The following ANGPT1 variants were observed in gnomAD, a reference collection of about 807,000 sequenced individuals.
The protein encoded by ANGPT1 is angiopoietin 1, also known as angiopoietin-1.
A neutral mutation model predicts 62.2 loss-of-function variants in ANGPT1; 17 were observed. That is an observed-to-expected ratio of 0.27 (90% CI 0.19 to 0.41). ANGPT1 has a LOEUF of 0.41. Among genes scored for constraint, ANGPT1 ranks in the 10% least tolerant of loss-of-function variants. The pLI, the probability that ANGPT1 is intolerant of heterozygous loss-of-function variation, is 1.00. For synonymous variants in ANGPT1, 199 were observed against 198.9 expected, an observed-to-expected ratio of 1.00 and a Z score of 0.00; for missense variants, 478 against 594.9, an observed-to-expected ratio of 0.80 and a Z score of 2.04.
chr8:107,315,570 C>CT (rs1047350808), intron 4 of ANGPT1, among the ~76,000 whole-genome samples: 2 of 151,238 alleles, frequency 1.3e-5, no homozygotes, highest in Non-Finnish European at 3.0e-5. Flanking sequence ...CATAACTGTC[C>CT]TTTTTTTTTA....
intron 1 of ANGPT1, among the ~76,000 whole-genome samples, chr8:107,452,901 T>C (rs1811816904): frequency 6.6e-6 from 1 of 152,110 alleles, no homozygotes; most frequent in South Asian, 2.1e-4. Flanking sequence ...AGATTTTCAC[T>C]AAACACACAC....
Position 107,249,623 on chromosome 8 carries a change from CAT to C in ANGPT1, c.*2230_*2231del, listed in dbSNP as rs1316874565. On this transcript the variant is annotated 3_prime_UTR_variant, in exon 9 of 9. Coordinates refer to ENST00000517746, the MANE Select transcript of ANGPT1 (RefSeq NM_001146.5). ...ATTCTGAAACAATTAAAAGAATACA[CAT>C]GTTAAATTGCCATAAACATGTACGT... is the stretch of plus-strand genomic sequence containing the variant. 3.4e-5 allele frequency: 5 copies of C among 148,696 alleles called. No homozygotes were observed. In the Admixed American group the frequency reaches 3.4e-4, roughly 10 times the overall value. The allele number at this position is 148,696 out of a possible 1,614,324, so 9.2% of individuals were successfully genotyped here.
chr8:107,258,881 T>C (rs2130011279), intron 8 of ANGPT1, among the ~76,000 whole-genome samples: 1 of 152,318 alleles, frequency 6.6e-6, no homozygotes, highest in South Asian at 2.1e-4. Context: ...CATTCATTTA[T>C]GTATTTTCAC....
chr8:107,434,530 T>C (rs1037795509), intron 1 of ANGPT1, among the ~76,000 whole-genome samples: 2 of 151,912 alleles, frequency 1.3e-5, no homozygotes, highest in African/African-American at 2.4e-5. Flanking sequence ...CTGAATTCAG[T>C]AGAGGAGATG....
At chr8:107,466,740 C>T (rs185405716) in intron 1 of ANGPT1, among the ~76,000 whole-genome samples, 6 of 151,948 alleles carry the variant, frequency 3.9e-5, no homozygotes, top group East Asian at 3.9e-4. Context: ...GGTGAAACCC[C>T]GTCTCTACTA....
At position 107,264,330 on chromosome 8, in the gene ANGPT1, A is replaced by C; in HGVS notation, c.1227T>G (p.Thr409=). 3 of 1,613,872 alleles carry C rather than the reference A, an allele frequency of 1.9e-6. No homozygotes were observed. Among genetic ancestry groups the C allele is most frequent in the East Asian group, 4.5e-5 (2 of 44,870 alleles). ...GGCTGCTCTGTTTTCCTGCTGTCCC[A>C]GTGTGACCTTTTAAATACAACCTGA... ...QNYRLYLKGH[T]GTAGKQSSLI... Residue 409 remains threonine (T), a synonymous_variant, in exon 8 of 9, where the codon ACT becomes ACG. Coordinates refer to ENST00000517746, the MANE Select transcript of ANGPT1 (RefSeq NM_001146.5).
intron 1 of ANGPT1, among the ~76,000 whole-genome samples, chr8:107,390,865 T>A (rs1219679979): frequency 6.6e-6 from 1 of 152,038 alleles, no homozygotes; most frequent in Non-Finnish European, 1.5e-5. Context: ...AGGTTCTGAA[T>A]CTAGGAAGTC....
At chr8:107,474,013 G>A (rs1812436068) in intron 1 of ANGPT1, among the ~76,000 whole-genome samples, 1 of 152,130 alleles carries the variant, frequency 6.6e-6, no homozygotes, top group South Asian at 2.1e-4. Context: ...GAGGTACAAG[G>A]AGGAGCTGGG....
At chr8:107,341,113 C>T (rs996788345) in intron 2 of ANGPT1, among the ~76,000 whole-genome samples, 1 of 152,076 alleles carries the variant, frequency 6.6e-6, no homozygotes, top group Non-Finnish European at 1.5e-5. Context: ...GGTTATAACC[C>T]TAACCAAGTT....
intron 2 of ANGPT1, among the ~76,000 whole-genome samples, chr8:107,337,495 C>T (rs1044024505): frequency 1.3e-5 from 2 of 152,200 alleles, no homozygotes; most frequent in African/African-American, 4.8e-5. Context: ...TAGCAGATGC[C>T]TTCAAATTGT....
At chr8:107,279,746 T>TACAC (rs148069454) in intron 7 of ANGPT1, among the ~76,000 whole-genome samples, 42,542 of 146,136 alleles carry the variant, frequency 0.29, 7,039 homozygotes, top group Admixed American at 0.4. Flanking sequence ...CACACACGTG[T>TACAC]ACACACACAC....
At chr8:107,278,070 TTTC>T (rs1236509733) in intron 7 of ANGPT1, among the ~76,000 whole-genome samples, 3 of 151,638 alleles carry the variant, frequency 2.0e-5, no homozygotes, top group Non-Finnish European at 4.4e-5. Context: ...TGTTTGCTCT[TTTC>T]TTTTCTTTTT....
At chr8:107,353,867 T>A (rs116965307) in intron 1 of ANGPT1, among the ~76,000 whole-genome samples, 1,713 of 152,182 alleles carry the variant, frequency 0.011, 21 homozygotes, top group Middle Eastern at 0.02. Flanking sequence ...TTTCTTTCTG[T>A]AAATATTCTT....
intron 1 of ANGPT1, among the ~76,000 whole-genome samples, chr8:107,398,075 G>C (rs748706235): frequency 2.0e-4 from 31 of 152,084 alleles, no homozygotes; most frequent in Non-Finnish European, 4.1e-4. Flanking sequence ...TAACTCTGAG[G>C]GTATTATGGG....
chr8:107,303,133 A>C, intron 5 of ANGPT1, 107 bp downstream of exon 5: 5 of 1,283,422 alleles, frequency 3.9e-6, no homozygotes, highest in South Asian at 1.3e-5. Flanking sequence ...AAGTTCAGGC[A>C]TCTCTATATA....
chr8:107,346,450 C>A (rs59993254), intron 2 of ANGPT1, among the ~76,000 whole-genome samples: 1 of 152,184 alleles, frequency 6.6e-6, no homozygotes, highest in Admixed American at 6.5e-5. Flanking sequence ...CAAATAAGTA[C>A]ATCATTGGCC....
intron 8 of ANGPT1, among the ~76,000 whole-genome samples, chr8:107,255,500 T>C (rs1253771181): frequency 6.6e-6 from 1 of 152,202 alleles, no homozygotes. Flanking sequence ...CCCAGACTTT[T>C]CATGCTTACT....
chr8:107,296,834 T>TA (rs1434033082), intron 5 of ANGPT1, among the ~76,000 whole-genome samples: 3 of 152,038 alleles, frequency 2.0e-5, no homozygotes, highest in Non-Finnish European at 4.4e-5. Context: ...AAAGTCCACT[T>TA]ACATACTCAG....
rs190927716 is a variant in ANGPT1, at chr8:107,310,495, G to A, written c.809-7128C>T. ...GACAAGAGCACACCCAAGGTCCTGA[G>A]TTATTCAGTATAAGCCATAAGTCTG... On this transcript the variant is annotated intron_variant, in intron 4 of 8. Transcript: ENST00000517746. Among the ~76,000 whole-genome samples the A allele has an allele frequency of 1.6e-3, 243 of 152,258 alleles. 2 individuals are homozygous for A. Among genetic ancestry groups the A allele is most frequent in the Non-Finnish European group, 2.2e-3 (153 of 68,030 alleles).
Sources: allele counts gnomAD v4.1 joint callset (sites outside exome capture counted in the v4.1 genomes callset), GRCh38; gene constraint gnomAD v4.1.1; transcripts MANE v1.5; gene names NCBI Gene and HGNC (gene_info 2026-07-23, HGNC 2026-07-21).